SORBS2: variants seen among roughly 807,000 people sequenced by gnomAD.
The protein encoded by SORBS2 is sorbin and SH3 domain containing 2.
A neutral mutation model predicts 97.7 loss-of-function variants in SORBS2; 46 were observed. The observed-to-expected ratio is 0.47, with a 90% CI of 0.37 to 0.60. The LOEUF is 0.60. Ranked by LOEUF, SORBS2 falls within the 20% of genes least tolerant of loss-of-function variation. The pLI is 0.00. For missense variants in SORBS2, 1,316 were observed against 1,282.3 expected, an observed-to-expected ratio of 1.03 and a Z score of -0.40; for synonymous variants, 476 against 473.4, an observed-to-expected ratio of 1.01 and a Z score of -0.07.
At chr4:185,622,926 C>A (rs1233273935) in exon 7 of SORBS2, 13 of 1,607,696 alleles carry the variant, frequency 8.1e-6, no homozygotes, top group Middle Eastern at 1.7e-4. Context: ...TGGAGTGCAC[C>A]GCCACGGTCT....
intron 2 of SORBS2, among the ~76,000 whole-genome samples, chr4:185,695,642 T>C: frequency 6.6e-6 from 1 of 152,236 alleles, no homozygotes; most frequent in African/African-American, 2.4e-5. Context: ...TTGGATAAAC[T>C]GCCCTAAGTG....
At chr4:185,849,328 C>T (rs2099216444) in intron 1 of SORBS2, among the ~76,000 whole-genome samples, 1 of 152,178 alleles carries the variant, frequency 6.6e-6, no homozygotes, top group Non-Finnish European at 1.5e-5. Context: ...CACTGCAAGG[C>T]TCAGCCCATT....
rs934282123 is a variant in SORBS2 at position 185,897,236 on chromosome 4, G to A, written c.-338+58960C>T. The stretch of plus-strand genomic sequence containing the variant: ...TCCGCCTTTCTGGGTAAGAACTGGC[G>A]ATAAAGACACTCTCTGACCCACCTT... On this transcript the variant is annotated intron_variant, in intron 1 of 20. Coordinates refer to the SORBS2 transcript ENST00000284776. Among the ~76,000 whole-genome samples the A allele has an allele frequency of 9.2e-5, 14 of 152,256 alleles. No homozygotes were observed. The South Asian group carries it at 1.5e-3, about 16-fold the overall frequency.
intron 1 of SORBS2, chr4:185,811,931 G>A (rs2099186987): frequency 6.6e-6 from 1 of 152,316 alleles, no homozygotes; most frequent in Admixed American, 6.5e-5. Flanking sequence ...CAGCTAGGGA[G>A]CTGCTGAGAT....
intron 1 of SORBS2, among the ~76,000 whole-genome samples, chr4:185,808,640 G>A (rs749225298): frequency 4.6e-5 from 7 of 152,150 alleles, no homozygotes; most frequent in Admixed American, 1.3e-4. Context: ...CTAGTGTAAC[G>A]TAACTAGTGA....
chr4:185,623,086 C>T lies in SORBS2; in HGVS notation c.2043G>A (p.Ala681=), dbSNP rs772500976. The change falls in exon 7 of 15, where the codon GCG becomes GCA. Residue 681 remains alanine, a synonymous_variant. Transcript: ENST00000418609. The surrounding 1 kb of genome is among the most constrained non-coding windows in gnomAD (Gnocchi z 6.4). ...GCTGGTGCAGGGGGCTCCTCCTCAG[C>T]GCTCTCAGGGATGAGTTCCTCTCGG... 32 of 1,613,928 alleles carry T rather than the reference C, an allele frequency of 2.0e-5. No individual in the cohort carries two copies. In the East Asian group the frequency reaches 5.1e-4, roughly 26 times the overall value.
intron 2 of SORBS2, among the ~76,000 whole-genome samples, chr4:185,743,333 G>A (rs148933131): frequency 1.5e-4 from 23 of 152,166 alleles, no homozygotes; most frequent in Admixed American, 2.0e-4. Flanking sequence ...TGGCATACCC[G>A]CTTGATTCCT....
chr4:185,657,523 T>A (rs763744962), upstream of SORBS2: 1 of 1,573,732 alleles, frequency 6.4e-7, no homozygotes, highest in Non-Finnish European at 8.6e-7. Context: ...CCTCTGAGGA[T>A]CGGTACAGGG....
At chr4:185,605,733 C>T (rs1217421410) in intron 12 of SORBS2, among the ~76,000 whole-genome samples, 1 of 152,132 alleles carries the variant, frequency 6.6e-6, no homozygotes, top group Non-Finnish European at 1.5e-5. Context: ...TGTAGGCACC[C>T]ACCACCACGC....
chr4:185,713,761 C>T (rs1171386162), intron 2 of SORBS2, among the ~76,000 whole-genome samples: 2 of 152,200 alleles, frequency 1.3e-5, no homozygotes, highest in Non-Finnish European at 2.9e-5. Flanking sequence ...GTAATCATTA[C>T]TATAATTTAA....
intron 4 of SORBS2, among the ~76,000 whole-genome samples, chr4:185,632,588 C>A (rs185885266): frequency 6.6e-6 from 1 of 152,276 alleles, no homozygotes; most frequent in Non-Finnish European, 1.5e-5. Flanking sequence ...CACTGAAGAG[C>A]CTGAGAGCAT....
intron 2 of SORBS2, among the ~76,000 whole-genome samples, chr4:185,709,021 C>T (rs965138291): frequency 2.0e-5 from 3 of 152,170 alleles, no homozygotes; most frequent in South Asian, 2.1e-4. Context: ...ACTCTTCAAC[C>T]TTTTCTCTTT....
intron 2 of SORBS2, among the ~76,000 whole-genome samples, chr4:185,703,599 G>C (rs2098296758): frequency 6.6e-6 from 1 of 152,150 alleles, no homozygotes; most frequent in Non-Finnish European, 1.5e-5. Flanking sequence ...AGCATGGGAA[G>C]TACAATGACA....
chr4:185,735,829 C>G (rs1341205741), intron 2 of SORBS2, among the ~76,000 whole-genome samples: 1 of 152,064 alleles, frequency 6.6e-6, no homozygotes, highest in Non-Finnish European at 1.5e-5. Context: ...TTAACCGTTG[C>G]AATTAACACA....
intron 12 of SORBS2, among the ~76,000 whole-genome samples, chr4:185,603,593 C>T (rs1227739518): frequency 6.6e-6 from 1 of 152,122 alleles, no homozygotes; most frequent in Non-Finnish European, 1.5e-5. Flanking sequence ...CAGAGGCTCT[C>T]ATTTCACATT....
intron 8 of SORBS2, 43 bp downstream of exon 20, chr4:185,620,020 A>G (rs1421057818): frequency 2.5e-6 from 3 of 1,184,050 alleles, no homozygotes; most frequent in South Asian, 1.2e-5. Flanking sequence ...TGCTGTATCA[A>G]GTGTGTTGCT....
At chr4:185,894,164 T>C (rs1014093016) in intron 1 of SORBS2, 3 of 152,026 alleles carry the variant, frequency 2.0e-5, no homozygotes, top group Non-Finnish European at 4.4e-5. Context: ...ACCACAGAAA[T>C]ATGCATGTTT....
At chr4:185,702,785 T>G (rs1366514332) in intron 2 of SORBS2, among the ~76,000 whole-genome samples, 2 of 152,142 alleles carry the variant, frequency 1.3e-5, no homozygotes, top group Non-Finnish European at 2.9e-5. Context: ...AAGACTTGAT[T>G]TAAAATATAA....
At chr4:185,798,795 AGT>A (rs916656189) in intron 1 of SORBS2, among the ~76,000 whole-genome samples, 4 of 152,170 alleles carry the variant, frequency 2.6e-5, no homozygotes, top group African/African-American at 9.7e-5. Context: ...ACTGCCTACC[AGT>A]GTTTCCAGCA....
Sources: gnomAD v4.1 joint callset for allele counts (sites outside exome capture counted in the v4.1 genomes callset) on GRCh38, gnomAD v4.1.1 for gene constraint, Gnocchi (gnomAD v3.1) non-coding constraint, MANE v1.5 for transcripts, NCBI Gene and HGNC (gene_info 2026-07-23, HGNC 2026-07-21) for gene names.